NKAIN3: variants seen among roughly 807,000 people sequenced by gnomAD.
NKAIN3 encodes sodium/potassium transporting ATPase interacting 3.
A neutral mutation model predicts 30.2 loss-of-function variants in NKAIN3; 25 were observed. The observed-to-expected ratio is 0.83, with a 90% CI of 0.60 to 1.16. The LOEUF (loss-of-function observed/expected upper bound fraction) is 1.16. NKAIN3 is among the 50% of genes most tolerant of loss of function. NKAIN3 has a pLI of 0.00. For synonymous variants in NKAIN3, 91 were observed against 89.6 expected (o/e 1.02, Z -0.09); for missense variants, 225 against 254.1 (o/e 0.89, Z 0.78).
Position 62,610,740 on chromosome 8 carries a change from T to C in NKAIN3, c.273+20946T>C, listed in dbSNP as rs114618000. ...AACGTCACACTGCTTATTTCTCTTT[T>C]CCTTGTGTTTCCTACTTTGTTGCAT... On this transcript the variant is annotated intron_variant, in intron 3 of 6. Coordinates refer to ENST00000623646, the MANE Select transcript of NKAIN3 (RefSeq NM_001304533.3). 3.1e-3 allele frequency among the ~76,000 whole-genome samples: 471 copies of C among 152,268 alleles called. 2 individuals carry two copies. The highest frequency in any genetic ancestry group is 0.011 in the African/African-American group (444 of 41,556).
intron 1 of NKAIN3, among the ~76,000 whole-genome samples, chr8:62,565,992 T>A (rs754577107): frequency 7.2e-5 from 11 of 152,192 alleles, no homozygotes; most frequent in Non-Finnish European, 1.2e-4. Flanking sequence ...GAATGCTTGT[T>A]GCTTTTGCCC....
At chr8:62,997,650 A>G (rs1412355998) in intron 5 of NKAIN3, among the ~76,000 whole-genome samples, 1 of 152,082 alleles carries the variant, frequency 6.6e-6, no homozygotes, top group Non-Finnish European at 1.5e-5. Flanking sequence ...TTAGGGATTG[A>G]CATGCTTTCA....
intron 1 of NKAIN3, among the ~76,000 whole-genome samples, chr8:62,300,726 A>G (rs1290549243): frequency 6.6e-6 from 1 of 152,116 alleles, no homozygotes; most frequent in Non-Finnish European, 1.5e-5. Context: ...ATTATTGAAA[A>G]GGTTTGGAGA....
At chr8:62,494,949 C>G (rs897184664) in intron 1 of NKAIN3, among the ~76,000 whole-genome samples, 2 of 151,754 alleles carry the variant, frequency 1.3e-5, no homozygotes, top group Non-Finnish European at 2.9e-5. Context: ...TTAGCTTTTT[C>G]AAAAAAATGA....
At chr8:62,823,939 A>G (rs1818936434) in intron 4 of NKAIN3, among the ~76,000 whole-genome samples, 2 of 152,212 alleles carry the variant, frequency 1.3e-5, no homozygotes, top group Non-Finnish European at 2.9e-5. Context: ...AAGAAATTTA[A>G]TGGCATATGT....
chr8:62,758,646 G>A (rs1816537672), intron 4 of NKAIN3, among the ~76,000 whole-genome samples: 1 of 152,092 alleles, frequency 6.6e-6, no homozygotes, highest in African/African-American at 2.4e-5. Context: ...GAGTAAATGA[G>A]TTCAGAGCTG....
chr8:62,493,973 A>G (rs1288157770), intron 1 of NKAIN3, among the ~76,000 whole-genome samples: 2 of 152,274 alleles, frequency 1.3e-5, no homozygotes, highest in Admixed American at 6.5e-5. Flanking sequence ...TGCCAACAGG[A>G]TAATTTGACT....
rs115884384 is a variant in NKAIN3, at chr8:62,761,502, T to C, written c.471+14373T>C. ...CCACTCCCTGATCAACACCAAGAAGTGTTTACTTAGTATATTGAGTATCAG... is the reference window on the plus strand; with the variant it reads ...CCACTCCCTGATCAACACCAAGAAGCGTTTACTTAGTATATTGAGTATCAG... On this transcript the variant is annotated intron_variant, in intron 4 of 6. Coordinates refer to ENST00000623646, the MANE Select transcript of NKAIN3 (RefSeq NM_001304533.3). Among the ~76,000 whole-genome samples the C allele has an allele frequency of 2.7e-3, 418 of 152,304 alleles. 3 individuals are homozygous for C. The highest frequency in any genetic ancestry group is 9.7e-3 in the African/African-American group (403 of 41,558).
At position 62,305,540 on chromosome 8, in the gene NKAIN3, T is replaced by C. The variant is rs916038409; in HGVS notation, c.54+56413T>C. Among the ~76,000 whole-genome samples the C allele has an allele frequency of 4.6e-5, 7 of 150,560 alleles. 1 individual carries two copies. Among genetic ancestry groups the C allele is most frequent in the African/African-American group, 1.8e-4 (7 of 39,944 alleles). Reference sequence around the variant, plus strand: ...CATTGACAAATGCATTCCTAGAGAATCGCTATTTTTAAAACTCAAGTTTCA... The same window carrying C: ...CATTGACAAATGCATTCCTAGAGAACCGCTATTTTTAAAACTCAAGTTTCA... On this transcript the variant is annotated intron_variant, in intron 1 of 6. Transcript: ENST00000623646.
intron 4 of NKAIN3, among the ~76,000 whole-genome samples, chr8:62,883,456 G>GTTTTTTTTTTTTTT (rs1563611107): frequency 5.8e-5 from 1 of 17,228 alleles, no homozygotes; most frequent in African/African-American, 6.8e-4. Flanking sequence ...GAGTTTTATG[G>GTTTTTTTTTTTTTT]GTTTTTTTTT....
chr8:62,367,136 C>T (rs1005605980), intron 1 of NKAIN3, among the ~76,000 whole-genome samples: 3 of 152,090 alleles, frequency 2.0e-5, no homozygotes, highest in Admixed American at 6.6e-5. Flanking sequence ...GAGAATATTT[C>T]AAGTGTGCTT....
chr8:62,266,779 G>T (rs901533577), intron 1 of NKAIN3, among the ~76,000 whole-genome samples: 1 of 152,198 alleles, frequency 6.6e-6, no homozygotes, highest in Non-Finnish European at 1.5e-5. Context: ...GCCCCTTTCT[G>T]TGGCAGTGAC....
rs187499424 is a variant in NKAIN3, at chr8:62,743,804, A to G, written c.274-3128A>G. 9.1e-4 allele frequency among the ~76,000 whole-genome samples: 138 copies of G among 152,290 alleles called. 1 individual carries two copies. The Middle Eastern group carries it at 0.01, about 11-fold the overall frequency. ...AGTAGGACCTAATGGTAAGAGACTG[A>G]ATGGGGAAACCCAACAAGACCTGTC... On this transcript the variant is annotated intron_variant, in intron 3 of 6. Coordinates refer to ENST00000623646, the MANE Select transcript of NKAIN3 (RefSeq NM_001304533.3).
intron 1 of NKAIN3, among the ~76,000 whole-genome samples, chr8:62,354,734 C>T (rs540907803): frequency 2.7e-4 from 41 of 152,270 alleles, no homozygotes; most frequent in African/African-American, 5.5e-4. Context: ...TGAGCCACCG[C>T]GCCAGGCCGA....
At chr8:62,598,183 G>T (rs1362196280) in intron 3 of NKAIN3, among the ~76,000 whole-genome samples, 1 of 152,056 alleles carries the variant, frequency 6.6e-6, no homozygotes, top group Non-Finnish European at 1.5e-5. Flanking sequence ...GGCAGAGTAG[G>T]ATTCATTAAG....
chr8:62,973,753 G>A lies in NKAIN3; in HGVS notation c.*8346G>A, dbSNP rs1823884578. ...AAGTCTTTGCCCATGCCTGTGTCCTGAATGGTATTGCTTAGGTTTTCTTCT... is the reference window on the plus strand; with the variant it reads ...AAGTCTTTGCCCATGCCTGTGTCCTAAATGGTATTGCTTAGGTTTTCTTCT... On this transcript the variant is annotated 3_prime_UTR_variant, in exon 7 of 7. Transcript: ENST00000623646. Among the ~76,000 whole-genome samples the A allele has an allele frequency of 6.6e-6, 1 of 152,168 alleles. No homozygotes were observed. The highest frequency in any genetic ancestry group is 2.4e-5 in the African/African-American group (1 of 41,432).
chr8:62,832,978 C>T (rs941427583), intron 4 of NKAIN3, among the ~76,000 whole-genome samples: 1 of 151,978 alleles, frequency 6.6e-6, no homozygotes, highest in South Asian at 2.1e-4. Context: ...CAAAACTTAA[C>T]ATACGAACCA....
chr8:62,433,969 A>C (rs1805093220), intron 1 of NKAIN3, among the ~76,000 whole-genome samples: 1 of 152,060 alleles, frequency 6.6e-6, no homozygotes, highest in Non-Finnish European at 1.5e-5. Context: ...TTAAGCATTC[A>C]CTAAGAGCAG....
intron 1 of NKAIN3, among the ~76,000 whole-genome samples, chr8:62,467,187 C>T (rs1354785846): frequency 6.6e-6 from 1 of 152,180 alleles, no homozygotes; most frequent in African/African-American, 2.4e-5. Flanking sequence ...TAGAATGTTG[C>T]TTCTTGCCTC....
Sources: allele counts gnomAD v4.1 joint callset (sites outside exome capture counted in the v4.1 genomes callset), GRCh38; gene constraint gnomAD v4.1.1; transcripts MANE v1.5; gene names NCBI Gene and HGNC (gene_info 2026-07-23, HGNC 2026-07-21).